Variants in ARFGEF1 observed in about 807,000 individuals in gnomAD.
ARFGEF1 encodes brefeldin A-inhibited guanine nucleotide-exchange protein 1.
ARFGEF1 carries 42 observed loss-of-function variants against 231.0 expected under a neutral mutation model. That is an observed-to-expected ratio of 0.18 (90% CI 0.14 to 0.24). The LOEUF is 0.24. ARFGEF1 is among the 10% of genes least tolerant of loss of function. The pLI, the probability that ARFGEF1 is intolerant of heterozygous loss-of-function variation, is 1.00. For synonymous variants in ARFGEF1, 710 were observed against 732.3 expected, an observed-to-expected ratio of 0.97 and a Z score of 0.49; for missense variants, 1,345 against 2,192.0, an observed-to-expected ratio of 0.61 and a Z score of 7.72.
intron 15 of ARFGEF1, among the ~76,000 whole-genome samples, chr8:67,258,825 AC>A (rs1840548671): frequency 6.6e-6 from 1 of 150,734 alleles, no homozygotes; most frequent in East Asian, 1.9e-4. Flanking sequence ...TTTTACACAC[AC>A]ACACACACAC....
At chr8:67,271,666 T>C (rs1258641913) in intron 10 of ARFGEF1, 36 bp downstream of exon 10, 1 of 1,391,712 alleles carries the variant, frequency 7.2e-7, no homozygotes, top group Non-Finnish European at 1.0e-6. Flanking sequence ...AAATGAAATA[T>C]CCAATAGTAA....
chr8:67,274,005 T>C (rs1182754235), intron 9 of ARFGEF1, among the ~76,000 whole-genome samples: 1 of 152,198 alleles, frequency 6.6e-6, no homozygotes, highest in African/African-American at 2.4e-5. Context: ...TAACAAAATA[T>C]CTTGTACACT....
chr8:67,305,747 A>G (rs1806713073), intron 1 of ARFGEF1, among the ~76,000 whole-genome samples: 1 of 152,202 alleles, frequency 6.6e-6, no homozygotes, highest in African/African-American at 2.4e-5. Flanking sequence ...ATATCATTCT[A>G]CAATTATCAG....
chr8:67,240,530 A>G (rs978482931), intron 19 of ARFGEF1, among the ~76,000 whole-genome samples: 2 of 152,188 alleles, frequency 1.3e-5, no homozygotes, highest in African/African-American at 2.4e-5. Flanking sequence ...GTACCTATAA[A>G]TTATTCACAT....
chr8:67,311,248 GC>G lies in ARFGEF1; in HGVS notation c.125-8783del, dbSNP rs1393539430. 3.7e-4 allele frequency among the ~76,000 whole-genome samples: 50 copies of G among 134,572 alleles called. No individual in the cohort carries two copies. In the East Asian group the frequency reaches 9.4e-3, roughly 25 times the overall value. The allele number at this position is 134,572 out of a possible 152,430, so 88.3% of individuals were successfully genotyped here. Reference sequence around the variant, plus strand: ...GTCCGGGAGGGAGGTGGGGAGGTCAGCCCCCCGCCCGGCCAGCCGCCCCGTC... The same window carrying G: ...GTCCGGGAGGGAGGTGGGGAGGTCAGCCCCCGCCCGGCCAGCCGCCCCGTC... On this transcript the variant is annotated intron_variant, in intron 1 of 38. Transcript: ENST00000262215.
chr8:67,265,950 C>A lies in ARFGEF1; in HGVS notation c.2123+56G>T. On this transcript the variant is annotated intron_variant, in intron 14 of 38. Transcript: ENST00000262215. ...GGTGATAAACCCACGGCAGGGGTGGCACTATACTGGCAGAGAGATATTCAA... is the reference window on the plus strand; with the variant it reads ...GGTGATAAACCCACGGCAGGGGTGGAACTATACTGGCAGAGAGATATTCAA... The A allele has an allele frequency of 2.6e-6, 4 of 1,537,684 alleles. No individual in the cohort carries two copies. The South Asian group carries it at 4.5e-5, about 17-fold the overall frequency.
At chr8:67,173,596 T>C (rs998518306), downstream of ARFGEF1, 11 of 152,158 alleles carry the variant, frequency 7.2e-5, no homozygotes, top group East Asian at 2.1e-3. Flanking sequence ...TTAGTCAAAC[T>C]ACCTATATGT....
chr8:67,273,419 C>CAAAAAAAAAA (rs58580002), intron 9 of ARFGEF1, among the ~76,000 whole-genome samples: 1 of 56,610 alleles, frequency 1.8e-5, no homozygotes, highest in African/African-American at 6.7e-5. Context: ...TTTTTTTTCC[C>CAAAAAAAAAA]AAAAAAAAAA....
chr8:67,196,240 A>C (rs1837913054), downstream of ARFGEF1: 1 of 152,210 alleles, frequency 6.6e-6, no homozygotes, highest in Non-Finnish European at 1.5e-5. Flanking sequence ...TGATATAAAT[A>C]AATTTTTATT....
intron 7 of ARFGEF1, among the ~76,000 whole-genome samples, chr8:67,286,710 T>C (rs1435578169): frequency 6.6e-6 from 1 of 152,150 alleles, no homozygotes; most frequent in Non-Finnish European, 1.5e-5. Flanking sequence ...TTAATATATA[T>C]TTTAAATTCA....
chr8:67,288,135 A>G, intron 6 of ARFGEF1, 70 bp from the exon 7 acceptor site: 2 of 918,226 alleles, frequency 2.2e-6, no homozygotes, highest in East Asian at 2.7e-5. Context: ...AACATTTATG[A>G]TGAAAAAACT....
At chr8:67,266,230 A>C in intron 13 of ARFGEF1, 23 bp from the exon 14 acceptor site, 1 of 1,596,324 alleles carries the variant, frequency 6.3e-7, no homozygotes, top group Non-Finnish European at 8.6e-7. Context: ...AAATTGATAG[A>C]GTACATTATT....
downstream of ARFGEF1, among the ~76,000 whole-genome samples, chr8:67,194,919 T>TAA (rs1278031009): frequency 6.6e-6 from 1 of 152,126 alleles, no homozygotes; most frequent in African/African-American, 2.4e-5. Flanking sequence ...CAAAATAACT[T>TAA]AATAATTTCC....
chr8:67,341,212 C>T (rs1042465202), intron 1 of ARFGEF1, among the ~76,000 whole-genome samples: 2 of 152,022 alleles, frequency 1.3e-5, no homozygotes, highest in Non-Finnish European at 2.9e-5. Context: ...TATATACATA[C>T]ACACAACACA....
chr8:67,175,874 T>C (rs550423756), intron 5 of ARFGEF1, among the ~76,000 whole-genome samples: 2 of 152,334 alleles, frequency 1.3e-5, no homozygotes, highest in Admixed American at 1.3e-4. Context: ...AGCATCAGAC[T>C]GGACTATGAA....
chr8:67,313,188 G>C (rs1044304586), intron 1 of ARFGEF1, among the ~76,000 whole-genome samples: 3 of 152,154 alleles, frequency 2.0e-5, no homozygotes, highest in Non-Finnish European at 4.4e-5. Flanking sequence ...TTGAGCCCAG[G>C]AGTTCATTTT....
chr8:67,320,585 G>T (rs1280908442), intron 1 of ARFGEF1, among the ~76,000 whole-genome samples: 1 of 152,158 alleles, frequency 6.6e-6, no homozygotes, highest in African/African-American at 2.4e-5. Flanking sequence ...TAACCATACT[G>T]CCAAAACTGG....
At chr8:67,263,539 T>C (rs1050972948) in intron 14 of ARFGEF1, among the ~76,000 whole-genome samples, 4 of 152,170 alleles carry the variant, frequency 2.6e-5, no homozygotes, top group Non-Finnish European at 5.9e-5. Flanking sequence ...CCTCCTGTTA[T>C]TCCCCCTCCA....
At chr8:67,195,488 A>G (rs760969187), downstream of ARFGEF1, 95 of 1,614,118 alleles carry the variant, frequency 5.9e-5, no homozygotes, top group Non-Finnish European at 7.9e-5. Context: ...GCACTTCAGA[A>G]ACGCTGAAAC....
Sources: gnomAD v4.1 joint callset for allele counts (sites outside exome capture counted in the v4.1 genomes callset) on GRCh38, gnomAD v4.1.1 for gene constraint, MANE v1.5 for transcripts, NCBI Gene and HGNC (gene_info 2026-07-23, HGNC 2026-07-21) for gene names.